Variants in ATP10B observed in about 807,000 individuals in gnomAD.
ATP10B encodes phospholipid-transporting ATPase VB.
A neutral mutation model predicts 141.2 loss-of-function variants in ATP10B; 122 were observed. That is an observed-to-expected ratio of 0.86 (90% CI 0.75 to 1.00). ATP10B has a LOEUF of 1.00. Among genes scored for constraint, ATP10B ranks in the 50% least tolerant of loss-of-function variants. The pLI, the probability that ATP10B is intolerant of heterozygous loss-of-function variation, is 0.00. For synonymous variants in ATP10B, 685 were observed against 692.0 expected (o/e 0.99, Z 0.16); for missense variants, 1,876 against 1,825.3 (o/e 1.03, Z -0.51).
intron 1 of ATP10B, among the ~76,000 whole-genome samples, chr5:160,845,335 G>A (rs1158618673): frequency 1.3e-5 from 2 of 152,158 alleles, no homozygotes. Context: ...ACATATCAGT[G>A]TGGTTCCATT....
intron 2 of ATP10B, among the ~76,000 whole-genome samples, chr5:160,762,233 C>T (rs781590463): frequency 3.3e-5 from 5 of 152,146 alleles, no homozygotes; most frequent in Admixed American, 6.5e-5. Flanking sequence ...TGGAATTCAT[C>T]GCAGAGATCA....
the ATP10B span, among the ~76,000 whole-genome samples, chr5:160,925,295 TAGC>T: frequency 2.6e-5 from 4 of 152,204 alleles, no homozygotes; most frequent in African/African-American, 7.2e-5. Flanking sequence ...GAGGGAAAAG[TAGC>T]AGCAGCAGCA....
intron 1 of ATP10B, among the ~76,000 whole-genome samples, chr5:160,790,665 G>T (rs964880954): frequency 6.6e-6 from 1 of 152,140 alleles, no homozygotes; most frequent in African/African-American, 2.4e-5. Context: ...GTTGAAACAA[G>T]ATCATAAGTT....
At chr5:160,915,496 T>G in the ATP10B span, among the ~76,000 whole-genome samples, 1 of 152,084 alleles carries the variant, frequency 6.6e-6, no homozygotes, top group Non-Finnish European at 1.5e-5. Context: ...CACACCCACC[T>G]AATTTTTGTA....
chr5:160,576,512 A>G (rs1176098909), intron 24 of ATP10B, among the ~76,000 whole-genome samples: 2 of 152,214 alleles, frequency 1.3e-5, no homozygotes, highest in Non-Finnish European at 2.9e-5. Flanking sequence ...TGGAAGCAGC[A>G]TAGTGCAGAG....
chr5:160,670,222 A>G (rs1032664596), intron 7 of ATP10B, among the ~76,000 whole-genome samples: 2 of 152,178 alleles, frequency 1.3e-5, no homozygotes, highest in African/African-American at 4.8e-5. Context: ...CCCCATTTAG[A>G]AACTCTGAGG....
intron 3 of ATP10B, among the ~76,000 whole-genome samples, chr5:160,702,240 C>G (rs1764725202): frequency 6.6e-6 from 1 of 151,910 alleles, no homozygotes. Context: ...CATTTTATTC[C>G]CCAAATAATC....
At chr5:160,659,073 T>A (rs767305867) in intron 7 of ATP10B, among the ~76,000 whole-genome samples, 1 of 152,184 alleles carries the variant, frequency 6.6e-6, no homozygotes, top group Non-Finnish European at 1.5e-5. Context: ...AAATACGTTG[T>A]CTTGGGTACT....
At chr5:160,854,830 C>T (rs1321697903), upstream of ATP10B, among the ~76,000 whole-genome samples, 2 of 152,114 alleles carry the variant, frequency 1.3e-5, no homozygotes, top group Non-Finnish European at 2.9e-5. Context: ...GTTAAGTGCT[C>T]TACATACTTT....
chr5:160,617,566 A>G (rs912359181), intron 16 of ATP10B, among the ~76,000 whole-genome samples: 1 of 152,238 alleles, frequency 6.6e-6, no homozygotes, highest in African/African-American at 2.4e-5. Flanking sequence ...ATACCTAAAA[A>G]ATATAATTGG....
chr5:160,735,984 C>A (rs1405695755), intron 2 of ATP10B, among the ~76,000 whole-genome samples: 1 of 151,924 alleles, frequency 6.6e-6, no homozygotes, highest in Non-Finnish European at 1.5e-5. Flanking sequence ...TGGGATATAG[C>A]AAAAGCATTA....
chr5:160,647,387 C>A (rs1760368178), intron 8 of ATP10B, among the ~76,000 whole-genome samples: 1 of 152,120 alleles, frequency 6.6e-6, no homozygotes, highest in African/African-American at 2.4e-5. Flanking sequence ...GTTAGCTACT[C>A]CGCAGTCCAA....
chr5:160,582,010 C>T lies in ATP10B; in HGVS notation c.3750+7582G>A, dbSNP rs192436996. 7.2e-5 allele frequency among the ~76,000 whole-genome samples: 11 copies of T among 152,122 alleles called. No homozygotes were observed. In the East Asian group the frequency reaches 2.1e-3, roughly 29 times the overall value. Reference sequence around the variant, plus strand: ...TTTTCCATTTGCTTGGTAAGTATTCCTCCATCCCTTTATTTTGAGCCTATG... The same window carrying T: ...TTTTCCATTTGCTTGGTAAGTATTCTTCCATCCCTTTATTTTGAGCCTATG... On this transcript the variant is annotated intron_variant, in intron 24 of 25. Coordinates refer to ENST00000327245, the MANE Select transcript of ATP10B (RefSeq NM_025153.3).
chr5:160,857,057 T>C (rs1166410038), upstream of ATP10B, among the ~76,000 whole-genome samples: 1 of 151,838 alleles, frequency 6.6e-6, no homozygotes, highest in African/African-American at 2.4e-5. Flanking sequence ...GATATCAGGG[T>C]AATACCAGCT....
intron 2 of ATP10B, among the ~76,000 whole-genome samples, chr5:160,740,845 T>C (rs1476456660): frequency 6.6e-6 from 1 of 152,168 alleles, no homozygotes; most frequent in Non-Finnish European, 1.5e-5. Flanking sequence ...CTTTGGATCT[T>C]TGACTGACCT....
At chr5:160,706,063 C>T (rs950117191) in intron 3 of ATP10B, among the ~76,000 whole-genome samples, 3 of 152,180 alleles carry the variant, frequency 2.0e-5, no homozygotes, top group Admixed American at 6.5e-5. Flanking sequence ...AGTCAGGACA[C>T]ACACATTTAG....
At chr5:160,601,739 G>A (rs1182678172) in intron 21 of ATP10B, among the ~76,000 whole-genome samples, 1 of 152,178 alleles carries the variant, frequency 6.6e-6, no homozygotes, top group African/African-American at 2.4e-5. Flanking sequence ...TAATCTCTGT[G>A]AGCTTCAGTT....
At chr5:160,748,474 A>G (rs1767952189) in intron 2 of ATP10B, among the ~76,000 whole-genome samples, 1 of 152,204 alleles carries the variant, frequency 6.6e-6, no homozygotes, top group Non-Finnish European at 1.5e-5. Context: ...TCACACAGCC[A>G]CTGGGTACAA....
intron 18 of ATP10B, among the ~76,000 whole-genome samples, chr5:160,611,235 G>C (rs1320728481): frequency 6.6e-6 from 1 of 152,172 alleles, no homozygotes; most frequent in Non-Finnish European, 1.5e-5. Flanking sequence ...ATGGCTGACT[G>C]TTCCTTAGGA....
Sources: allele counts gnomAD v4.1 joint callset (sites outside exome capture counted in the v4.1 genomes callset), GRCh38; gene constraint gnomAD v4.1.1; transcripts MANE v1.5; gene names NCBI Gene and HGNC (gene_info 2026-07-23, HGNC 2026-07-21).